Variants in TPD52L1 observed in about 807,000 individuals in gnomAD.
TPD52L1 encodes the protein TPD52 like 1.
TPD52L1 carries 18 observed loss-of-function variants against 28.7 expected under a neutral mutation model. The observed-to-expected ratio is 0.63, with a 90% CI of 0.43 to 0.93. The LOEUF (loss-of-function observed/expected upper bound fraction) is 0.93. Ranked by LOEUF, TPD52L1 falls within the 40% of genes least tolerant of loss-of-function variation. The pLI is 0.00. For synonymous variants in TPD52L1, 75 were observed against 88.8 expected (o/e 0.84, Z 0.88); for missense variants, 203 against 254.8 (o/e 0.80, Z 1.39).
intron 6 of TPD52L1, chr6:125,262,611 TA>T: frequency 4.0e-6 from 2 of 505,630 alleles, no homozygotes; most frequent in Non-Finnish European, 6.8e-6. Context: ...AGAGGGTTGC[TA>T]AAAGTGTGCA....
intron 3 of TPD52L1, among the ~76,000 whole-genome samples, chr6:125,233,246 A>G (rs182501156): frequency 6.6e-6 from 1 of 152,356 alleles, no homozygotes; most frequent in African/African-American, 2.4e-5. Flanking sequence ...CTACATAAAG[A>G]GGACGAAAAG....
chr6:125,248,419 C>T, intron 4 of TPD52L1, 36 bp downstream of exon 4: 1 of 1,548,012 alleles, frequency 6.5e-7, no homozygotes, highest in South Asian at 1.1e-5. Context: ...CGGCGCTAAG[C>T]CCTTGGCTTT....
chr6:125,248,388 T>C lies in TPD52L1; in HGVS notation c.386+5T>C, dbSNP rs1797048169. ...CAAGAAGTTCGGAGACATGAGGTAC[T>C]GTGGGAAAATACCATGGGAACGGCG... is the stretch of plus-strand genomic sequence containing the variant. On this transcript the variant is annotated splice_donor_5th_base_variant and intron_variant, in intron 4 of 6. Transcript: ENST00000534000. The C allele has an allele frequency of 6.2e-7, 1 of 1,612,476 alleles. No individual in the cohort carries two copies. Among genetic ancestry groups the C allele is most frequent in the Non-Finnish European group, 8.5e-7 (1 of 1,178,632 alleles).
At chr6:125,190,317 C>T (rs1792948310) in intron 1 of TPD52L1, among the ~76,000 whole-genome samples, 1 of 152,026 alleles carries the variant, frequency 6.6e-6, no homozygotes, top group Admixed American at 6.6e-5. Flanking sequence ...GGTTCTAGGT[C>T]ATTTTTTTCT....
At chr6:125,196,030 A>G (rs1484559476) in intron 1 of TPD52L1, among the ~76,000 whole-genome samples, 2 of 152,168 alleles carry the variant, frequency 1.3e-5, no homozygotes, top group African/African-American at 4.8e-5. Context: ...TATATTATTT[A>G]AAATCAGTGG....
At chr6:125,155,046 T>G (rs920587514) in intron 1 of TPD52L1, among the ~76,000 whole-genome samples, 2 of 152,230 alleles carry the variant, frequency 1.3e-5, no homozygotes, top group African/African-American at 2.4e-5. Flanking sequence ...ACAGGTTTGC[T>G]GCCAGGATTA....
chr6:125,197,735 C>G (rs1264422176), intron 1 of TPD52L1, among the ~76,000 whole-genome samples: 1 of 151,906 alleles, frequency 6.6e-6, no homozygotes, highest in African/African-American at 2.4e-5. Context: ...GAGGGGTTGC[C>G]CCATCCAATT....
intron 1 of TPD52L1, among the ~76,000 whole-genome samples, chr6:125,181,042 T>G (rs932479794): frequency 3.9e-5 from 6 of 152,196 alleles, no homozygotes; most frequent in Admixed American, 3.9e-4. Flanking sequence ...TTCTTAGAAG[T>G]TGGGTTCGAG....
At position 125,219,712 on chromosome 6, in the gene TPD52L1, TCA is replaced by T. The variant is rs555133449; in HGVS notation, c.20-363_20-362del. ...GGGGCCTACAATTTACACAGGAATCTCACATTAAACCCCTCTCCATGGGCGGG... is the reference window on the plus strand; with the variant it reads ...GGGGCCTACAATTTACACAGGAATCTCATTAAACCCCTCTCCATGGGCGGG... On this transcript the variant is annotated intron_variant, in intron 1 of 6. Coordinates refer to ENST00000534000, the MANE Select transcript of TPD52L1 (RefSeq NM_003287.4). The T allele has an allele frequency of 1.2e-3, 378 of 304,288 alleles. 2 individuals carry two copies. Among genetic ancestry groups the T allele is most frequent in the African/African-American group, 7.4e-3 (341 of 46,248 alleles). The allele number at this position is 304,288 out of a possible 1,614,324, so 18.8% of individuals were successfully genotyped here.
chr6:125,254,633 G>T (rs1243839019), intron 5 of TPD52L1, among the ~76,000 whole-genome samples: 1 of 152,070 alleles, frequency 6.6e-6, no homozygotes, highest in Non-Finnish European at 1.5e-5. Context: ...TTGTTTGAAG[G>T]CATTATAGAA....
chr6:125,180,524 T>G (rs1291282908), intron 1 of TPD52L1, among the ~76,000 whole-genome samples: 1 of 151,826 alleles, frequency 6.6e-6, no homozygotes, highest in Non-Finnish European at 1.5e-5. Context: ...GGCACACAGT[T>G]TTTAAATATA....
intron 3 of TPD52L1, among the ~76,000 whole-genome samples, chr6:125,247,619 C>G (rs928709783): frequency 6.6e-6 from 1 of 152,122 alleles, no homozygotes; most frequent in Non-Finnish European, 1.5e-5. Flanking sequence ...TCTTCTTTAT[C>G]CCTTTGTCAG....
At chr6:125,219,803 C>T (rs1795108738) in intron 1 of TPD52L1, 2 of 422,508 alleles carry the variant, frequency 4.7e-6, no homozygotes, top group South Asian at 4.2e-5. Flanking sequence ...TGGAATTCAC[C>T]AAGGTGGTAA....
chr6:125,261,928 G>A (rs141958197), intron 6 of TPD52L1: 3 of 152,298 alleles, frequency 2.0e-5, no homozygotes, highest in Admixed American at 6.5e-5. Flanking sequence ...CTGAGACTGG[G>A]TAATTTATAA....
intron 2 of TPD52L1, among the ~76,000 whole-genome samples, chr6:125,228,667 C>A (rs938682005): frequency 6.6e-6 from 1 of 152,024 alleles, no homozygotes; most frequent in Non-Finnish European, 1.5e-5. Context: ...ATAGTGAGAC[C>A]CTGTCTCTTT....
chr6:125,172,550 A>ATATATG (rs1554202705), intron 1 of TPD52L1, among the ~76,000 whole-genome samples: 1 of 90,872 alleles, frequency 1.1e-5, no homozygotes, highest in Non-Finnish European at 2.0e-5. Flanking sequence ...ATATATATAT[A>ATATATG]TAATATATAT....
rs536894110 is a variant in TPD52L1, at chr6:125,217,115, C to G, written c.20-2963C>G. On this transcript the variant is annotated intron_variant, in intron 1 of 6. Coordinates refer to ENST00000534000, the MANE Select transcript of TPD52L1 (RefSeq NM_003287.4). Reference sequence around the variant, plus strand: ...ATACTCATGAACAGAAAGTCAGTGTCCAGAAATGGAGTATGACCATTGATC... The same window carrying G: ...ATACTCATGAACAGAAAGTCAGTGTGCAGAAATGGAGTATGACCATTGATC... 1.2e-4 allele frequency among the ~76,000 whole-genome samples: 19 copies of G among 152,168 alleles called. No individual in the cohort carries two copies. In the South Asian group the frequency reaches 3.9e-3, roughly 32 times the overall value.
chr6:125,164,516 A>G (rs1363069394), intron 1 of TPD52L1, among the ~76,000 whole-genome samples: 1 of 152,220 alleles, frequency 6.6e-6, no homozygotes. Flanking sequence ...GGACTTTAAA[A>G]TAAATAAAAG....
At chr6:125,238,355 T>G (rs190585017) in intron 3 of TPD52L1, among the ~76,000 whole-genome samples, 1 of 152,364 alleles carries the variant, frequency 6.6e-6, no homozygotes, top group East Asian at 1.9e-4. Context: ...ATTTTTTATC[T>G]TTTTAAATTT....
Sources: allele counts gnomAD v4.1 joint callset (sites outside exome capture counted in the v4.1 genomes callset), GRCh38; gene constraint gnomAD v4.1.1; transcripts MANE v1.5; gene names NCBI Gene and HGNC (gene_info 2026-07-23, HGNC 2026-07-21).